ACLY: variants seen among roughly 807,000 people sequenced by gnomAD.
The protein encoded by ACLY is ATP citrate lyase.
A neutral mutation model predicts 133.0 loss-of-function variants in ACLY; 41 were observed. The observed-to-expected ratio is 0.31, with a 90% CI of 0.24 to 0.40. ACLY has a LOEUF of 0.40. Ranked by LOEUF, ACLY falls within the 10% of genes least tolerant of loss-of-function variation. The pLI is 1.00. For missense variants in ACLY, 1,046 were observed against 1,453.8 expected (o/e 0.72, Z 4.56); for synonymous variants, 495 against 549.3 (o/e 0.90, Z 1.38).
chr17:41,893,010 T>C, intron 15 of ACLY, 23 bp downstream of exon 15: 2 of 1,606,988 alleles, frequency 1.2e-6, no homozygotes, highest in African/African-American at 1.3e-5. Flanking sequence ...GAAGGAGATA[T>C]TTCCCGCCAT....
intron 1 of ACLY, among the ~76,000 whole-genome samples, chr17:41,914,522 G>C (rs1168104955): frequency 3.9e-5 from 6 of 152,306 alleles, no homozygotes; most frequent in East Asian, 1.9e-4. Flanking sequence ...AGTAGGGGAG[G>C]GGGGAGGATC....
At chr17:41,908,506 G>C (rs1338644196) in intron 6 of ACLY, among the ~76,000 whole-genome samples, 1 of 152,246 alleles carries the variant, frequency 6.6e-6, no homozygotes, top group Admixed American at 6.5e-5. Flanking sequence ...GCTCACGCCT[G>C]TAATCTCAGC....
chr17:41,892,778 G>C (rs1362790528), intron 15 of ACLY, among the ~76,000 whole-genome samples: 1 of 151,924 alleles, frequency 6.6e-6, no homozygotes, highest in East Asian at 1.9e-4. Context: ...CAAGGCTCAG[G>C]CAATCCTCCT....
At chr17:41,885,667 C>A (rs781842145) in intron 18 of ACLY, among the ~76,000 whole-genome samples, 25 of 152,262 alleles carry the variant, frequency 1.6e-4, no homozygotes, top group Admixed American at 3.3e-4. Flanking sequence ...CCTCCAGTAG[C>A]CCCATGAGGT....
upstream of ACLY, chr17:41,919,038 G>A: frequency 7.8e-7 from 1 of 1,283,820 alleles, no homozygotes. Flanking sequence ...GAACGGCCCC[G>A]CGATTGGCCA....
At chr17:41,904,653 C>A in intron 10 of ACLY, 76 bp downstream of exon 10, 1 of 1,439,692 alleles carries the variant, frequency 6.9e-7, no homozygotes, top group South Asian at 1.2e-5. Context: ...CTGGCTCAAA[C>A]TCTGCTTTCA....
intron 1 of ACLY, among the ~76,000 whole-genome samples, chr17:41,914,695 C>G (rs1468824553): frequency 3.9e-5 from 6 of 152,196 alleles, no homozygotes; most frequent in Admixed American, 3.3e-4. Flanking sequence ...AGAACAGATG[C>G]CTCTCTGGGG....
chr17:41,913,493 T>G (rs1331830069), intron 2 of ACLY, among the ~76,000 whole-genome samples: 1 of 152,200 alleles, frequency 6.6e-6, no homozygotes, highest in Non-Finnish European at 1.5e-5. Context: ...GACACCAGTT[T>G]GTCCAGTTTC....
At chr17:41,881,598 A>T (rs528493497) in intron 20 of ACLY, among the ~76,000 whole-genome samples, 1 of 152,244 alleles carries the variant, frequency 6.6e-6, no homozygotes, top group Admixed American at 6.6e-5. Flanking sequence ...ACAGCTCAGG[A>T]AACAGTTACC....
chr17:41,919,152 G>A, upstream of ACLY: 2 of 1,026,094 alleles, frequency 1.9e-6, no homozygotes, highest in South Asian at 1.7e-5. Flanking sequence ...TTGTAGTCCC[G>A]CTGGCCCATC....
At chr17:41,916,764 A>G (rs552931098) in intron 1 of ACLY, among the ~76,000 whole-genome samples, 3 of 152,148 alleles carry the variant, frequency 2.0e-5, no homozygotes, top group Non-Finnish European at 2.9e-5. Context: ...AAACCCCAGA[A>G]AAAGGTACAC....
At chr17:41,868,963 G>A in intron 27 of ACLY, 80 bp downstream of exon 27, 1 of 1,384,250 alleles carries the variant, frequency 7.2e-7, no homozygotes, top group African/African-American at 1.4e-5. Flanking sequence ...TCTATTATGA[G>A]TATGCATTAC....
In ACLY at chr17:41,892,314, A is replaced by G; in HGVS notation, c.1735T>C (p.Tyr579His). The G allele has an allele frequency of 6.3e-7, 1 of 1,593,374 alleles. No individual in the cohort carries two copies. Among genetic ancestry groups the G allele is most frequent in the Non-Finnish European group, 8.5e-7 (1 of 1,175,012 alleles). Residue 579 changes from tyrosine (Y) to histidine (H), a missense_variant, in exon 16 of 29, where the codon TAT becomes CAT. Coordinates refer to ENST00000352035, the MANE Select transcript of ACLY (RefSeq NM_001096.3). ...LINFASLRSA[Y>H]DSTMETMNYA... ...TTCATGGTCTCCATGGTGCTGTCAT[A>G]GGCAGAGCGGAGAGAGGCAAAGTTG...
At chr17:41,873,709 T>C (rs1555625494) in intron 23 of ACLY, 102 bp downstream of exon 23, 19 of 1,317,388 alleles carry the variant, frequency 1.4e-5, no homozygotes, top group Non-Finnish European at 1.8e-5. Context: ...AAGATTGATC[T>C]TGGACACACT....
intron 22 of ACLY, among the ~76,000 whole-genome samples, chr17:41,876,948 G>A (rs192951596): frequency 1.3e-5 from 2 of 151,938 alleles, no homozygotes; most frequent in African/African-American, 4.8e-5. Flanking sequence ...AAAAAGAAAT[G>A]GGGGAGCCCT....
rs1406450393 is a variant in ACLY, at chr17:41,868,840, CCA to C, written c.3135-57_3135-56del. 3.2e-6 allele frequency: 5 copies of C among 1,547,710 alleles called. No homozygotes were observed. The African/African-American group carries it at 5.4e-5, about 17-fold the overall frequency. ...AAGGCTCACGTGACTGCCCTCCTCC[CCA>C]CAGACAGTACTACTACTGCCCAAGA... On this transcript the variant is annotated intron_variant, in intron 27 of 28. Transcript: ENST00000352035.
chr17:41,872,255 C>T, intron 23 of ACLY, 73 bp from the exon 24 acceptor site: 1 of 1,459,798 alleles, frequency 6.9e-7, no homozygotes, highest in Non-Finnish European at 9.4e-7. Flanking sequence ...TCTCCCTAAA[C>T]AAGTCATTCA....
At chr17:41,891,495 C>A (rs2049210693) in intron 16 of ACLY, among the ~76,000 whole-genome samples, 1 of 151,998 alleles carries the variant, frequency 6.6e-6, no homozygotes, top group African/African-American at 2.4e-5. Context: ...CTTGACCTCC[C>A]AGGCTCAAGT....
rs536272929 is a variant in ACLY, at chr17:41,871,646, C to T, written c.2937+43G>A. On this transcript the variant is annotated intron_variant, in intron 25 of 28. Transcript: ENST00000352035. ...CTGTGATTACAGGCATGGGCCACCG[C>T]GCCTGGCCTCCATCCCACTTTTTTA... The T allele has an allele frequency of 3.5e-5, 56 of 1,611,504 alleles. 1 individual carries two copies. The Admixed American group carries it at 5.5e-4, about 16-fold the overall frequency.
Sources: gnomAD v4.1 joint callset for allele counts (sites outside exome capture counted in the v4.1 genomes callset) on GRCh38, gnomAD v4.1.1 for gene constraint, MANE v1.5 for transcripts, NCBI Gene and HGNC (gene_info 2026-07-23, HGNC 2026-07-21) for gene names.